GALNT14: variants seen among roughly 807,000 people sequenced by gnomAD.
GALNT14 encodes polypeptide N-acetylgalactosaminyltransferase 14, also known as UDP-GalNAc:polypeptide N-acetylgalactosaminyltransferase 14.
GALNT14 carries 60 observed loss-of-function variants against 77.5 expected under a neutral mutation model. The ratio of observed to expected loss-of-function variants is 0.77; its 90% CI spans 0.63 to 0.96. The LOEUF (loss-of-function observed/expected upper bound fraction) is 0.96, where lower values mean the gene tolerates loss of function less well. Among genes scored for constraint, GALNT14 ranks in the 40% least tolerant of loss-of-function variants. The pLI is 0.00. For synonymous variants in GALNT14, 280 were observed against 281.7 expected (o/e 0.99, Z 0.06); for missense variants, 710 against 731.0 (o/e 0.97, Z 0.33).
the GALNT14 span, among the ~76,000 whole-genome samples, chr2:30,896,196 C>T: frequency 2.0e-5 from 3 of 152,216 alleles, no homozygotes; most frequent in Admixed American, 6.5e-5. Context: ...TAACAAATGA[C>T]CCATGATGAA....
intron 1 of GALNT14, among the ~76,000 whole-genome samples, chr2:31,056,134 A>G (rs1674193353): frequency 6.6e-6 from 1 of 152,182 alleles, no homozygotes; most frequent in Admixed American, 6.5e-5. Flanking sequence ...CCCTGCTCCC[A>G]AAATGCTGAC....
At chr2:31,085,298 G>C (rs912725221) in intron 1 of GALNT14, among the ~76,000 whole-genome samples, 12 of 152,202 alleles carry the variant, frequency 7.9e-5, no homozygotes, top group Non-Finnish European at 1.6e-4. Context: ...TACTACCAGG[G>C]ACATCGGGGT....
At chr2:30,958,052 G>A (rs975957795) in intron 4 of GALNT14, among the ~76,000 whole-genome samples, 3 of 152,122 alleles carry the variant, frequency 2.0e-5, no homozygotes, top group Admixed American at 1.3e-4. Context: ...AAAAGAATGC[G>A]GAAAGGTTGG....
At chr2:30,949,426 C>A (rs552536487) in intron 6 of GALNT14, among the ~76,000 whole-genome samples, 28 of 152,242 alleles carry the variant, frequency 1.8e-4, no homozygotes, top group Admixed American at 1.6e-3. Flanking sequence ...TGTGTGCATG[C>A]CCCAGCAGGA....
At chr2:31,012,654 G>T (rs1671103094) in intron 1 of GALNT14, among the ~76,000 whole-genome samples, 1 of 152,168 alleles carries the variant, frequency 6.6e-6, no homozygotes, top group Admixed American at 6.5e-5. Context: ...CTGAATCAGG[G>T]TGTGTAGGTC....
At position 30,993,054 on chromosome 2, in the gene GALNT14, C is replaced by T. The variant is rs1320999961; in HGVS notation, c.130-47G>A. 3 of 1,593,330 alleles carry T rather than the reference C, an allele frequency of 1.9e-6. No individual in the cohort carries two copies. In the South Asian group the frequency reaches 3.4e-5, roughly 18 times the overall value. On this transcript the variant is annotated intron_variant, in intron 1 of 14. Coordinates refer to ENST00000349752, the MANE Select transcript of GALNT14 (RefSeq NM_024572.4). ...TCTGTGAGAACGGCTCCCTGTCCTC[C>T]ACTAGCCCCCGTCTGCCTATCAGTA...
intron 1 of GALNT14, among the ~76,000 whole-genome samples, chr2:31,107,332 C>T (rs140965191): frequency 6.6e-6 from 1 of 152,216 alleles, no homozygotes; most frequent in East Asian, 1.9e-4. Context: ...TTTTTTCTGG[C>T]ACTCTTTGCC....
chr2:30,943,963 T>G (rs978889183), intron 8 of GALNT14, among the ~76,000 whole-genome samples: 1 of 152,188 alleles, frequency 6.6e-6, no homozygotes, highest in Non-Finnish European at 1.5e-5. Context: ...TCAACAAAAA[T>G]GATTAAATAC....
At chr2:30,936,108 G>A (rs932057958) in intron 9 of GALNT14, among the ~76,000 whole-genome samples, 10 of 152,154 alleles carry the variant, frequency 6.6e-5, no homozygotes, top group Admixed American at 2.0e-4. Context: ...CCTCATCGGG[G>A]CACTGTTATA....
the GALNT14 span, among the ~76,000 whole-genome samples, chr2:30,886,981 G>A: frequency 6.6e-6 from 1 of 152,222 alleles, no homozygotes; most frequent in East Asian, 1.9e-4. Context: ...TATTTCATAT[G>A]AATGGAATCA....
Position 30,955,604 on chromosome 2 carries a change from T to C in GALNT14, c.654+14A>G, listed in dbSNP as rs1320501802. 5.0e-6 allele frequency: 8 copies of C among 1,613,308 alleles called. No homozygotes were observed. Among genetic ancestry groups the C allele is most frequent in the Non-Finnish European group, 6.8e-6 (8 of 1,179,652 alleles). On this transcript the variant is annotated intron_variant, in intron 6 of 14. Coordinates refer to ENST00000349752, the MANE Select transcript of GALNT14 (RefSeq NM_024572.4). ...GGGGCACGAGGCCCGGCCCTGCTCC[T>C]CAGCCTCACTCACCTCTTTGACCCT...
intron 2 of GALNT14, among the ~76,000 whole-genome samples, chr2:30,976,640 T>TGTGTGTGTGC (rs1351568684): frequency 6.6e-6 from 1 of 151,646 alleles, no homozygotes; most frequent in Non-Finnish European, 1.5e-5. Flanking sequence ...TGTGTGTGTG[T>TGTGTGTGTGC]GCAAAAAAGA....
At chr2:30,969,161 C>T (rs1486959707) in intron 2 of GALNT14, among the ~76,000 whole-genome samples, 1 of 152,170 alleles carries the variant, frequency 6.6e-6, no homozygotes, top group African/African-American at 2.4e-5. Context: ...CCTGGTCTCT[C>T]CATAAGAGAC....
intron 1 of GALNT14, among the ~76,000 whole-genome samples, chr2:31,046,316 T>A (rs1472045521): frequency 6.7e-6 from 1 of 149,604 alleles, no homozygotes; most frequent in African/African-American, 2.5e-5. Context: ...AACCTCCACC[T>A]CCTGGGTTCA....
intron 1 of GALNT14, among the ~76,000 whole-genome samples, chr2:31,009,442 T>C (rs1431791975): frequency 1.3e-5 from 2 of 152,176 alleles, no homozygotes; most frequent in African/African-American, 4.8e-5. Flanking sequence ...GAAGTGTGCA[T>C]GGATTTAGCC....
intron 6 of GALNT14, among the ~76,000 whole-genome samples, chr2:30,954,540 G>C (rs780965308): frequency 6.6e-6 from 1 of 152,176 alleles, no homozygotes; most frequent in African/African-American, 2.4e-5. Context: ...AATGGTTACT[G>C]ATGGGCCTTA....
chr2:31,136,653 G>A (rs1429496052), intron 1 of GALNT14, among the ~76,000 whole-genome samples: 1 of 152,154 alleles, frequency 6.6e-6, no homozygotes, highest in African/African-American at 2.4e-5. Context: ...CAAGATTCCA[G>A]AACATAAGTG....
intron 10 of GALNT14, among the ~76,000 whole-genome samples, chr2:30,930,045 A>G (rs530189120): frequency 3.3e-5 from 5 of 152,308 alleles, no homozygotes; most frequent in Admixed American, 3.3e-4. Context: ...TGGATTTTAG[A>G]TTTTTGGATT....
At chr2:30,989,583 A>ATATATATATATAAAAATATAT (rs56703340) in intron 2 of GALNT14, among the ~76,000 whole-genome samples, 23 of 91,838 alleles carry the variant, frequency 2.5e-4, no homozygotes, top group African/African-American at 9.8e-4. Context: ...TATATATATA[A>ATATATATATATAAAAATATAT]AAATATATAT....
Sources: allele counts gnomAD v4.1 joint callset (sites outside exome capture counted in the v4.1 genomes callset), GRCh38; gene constraint gnomAD v4.1.1; transcripts MANE v1.5; gene names NCBI Gene and HGNC (gene_info 2026-07-23, HGNC 2026-07-21).